MTUS1: variants seen among roughly 807,000 people sequenced by gnomAD.
MTUS1 encodes microtubule-associated tumor suppressor 1.
Under a neutral mutation model 120.8 loss-of-function variants are expected in MTUS1, and 109 were observed. The ratio of observed to expected loss-of-function variants is 0.90; its 90% CI spans 0.77 to 1.06. MTUS1 has a LOEUF of 1.06. Among genes scored for constraint, MTUS1 ranks in the 50% least tolerant of loss-of-function variants. The pLI is 0.00. For missense variants in MTUS1, 2,210 were observed against 1,486.3 expected, an observed-to-expected ratio of 1.49 and a Z score of -8.01; for synonymous variants, 737 against 550.5, an observed-to-expected ratio of 1.34 and a Z score of -4.74.
chr8:17,787,227 T>C, intron 1 of MTUS1, among the ~76,000 whole-genome samples: 1 of 152,158 alleles, frequency 6.6e-6, no homozygotes, highest in Admixed American at 6.6e-5. Flanking sequence ...GCCTCCAGCA[T>C]GGGTAAAGAT....
intron 2 of MTUS1, among the ~76,000 whole-genome samples, chr8:17,748,774 G>A (rs2047963321): frequency 6.6e-6 from 1 of 152,188 alleles, no homozygotes; most frequent in South Asian, 2.1e-4. Context: ...CAAATGGGTT[G>A]AGAAAAACTC....
At chr8:17,786,952 GAAAAT>G (rs1246726465) in intron 1 of MTUS1, among the ~76,000 whole-genome samples, 1 of 152,150 alleles carries the variant, frequency 6.6e-6, no homozygotes, top group African/African-American at 2.4e-5. Context: ...ATTTCAGAAA[GAAAAT>G]AAAAGTTGAA....
chr8:17,662,349 ATTTTTTTTTTT>A (rs35308070), intron 8 of MTUS1, among the ~76,000 whole-genome samples: 2 of 112,714 alleles, frequency 1.8e-5, no homozygotes, highest in African/African-American at 7.0e-5. Flanking sequence ...TTTTGTCCCT[ATTTTTTTTTTT>A]TTTTTTTTTT....
In MTUS1 at chr8:17,753,700, A is replaced by G; in HGVS notation, c.2091+17T>C. Reference sequence around the variant, plus strand: ...CAGTTCTCTGAAGCATGCAAAAAATATATATATATTACTTACCAAAAACAG... The same window carrying G: ...CAGTTCTCTGAAGCATGCAAAAAATGTATATATATTACTTACCAAAAACAG... On this transcript the variant is annotated intron_variant, in intron 2 of 14. Coordinates refer to ENST00000693296, the MANE Select transcript of MTUS1 (RefSeq NM_001363059.2). The G allele has an allele frequency of 6.6e-7, 1 of 1,507,884 alleles. No homozygotes were observed. The highest frequency in any genetic ancestry group is 1.3e-5 in the South Asian group (1 of 77,750). 93.4% of individuals were successfully genotyped at this position (1,507,884 alleles called of 1,614,324 possible). A position where few individuals can be genotyped will look rare whatever the true frequency, so the allele number is the denominator to read the frequency against.
chr8:17,777,272 A>G (rs940993574), intron 1 of MTUS1, among the ~76,000 whole-genome samples: 3 of 151,954 alleles, frequency 2.0e-5, no homozygotes, highest in African/African-American at 7.2e-5. Context: ...CTCCATCTCT[A>G]CTAAAAGTAC....
intron 1 of MTUS1, among the ~76,000 whole-genome samples, chr8:17,761,321 C>T (rs1740399883): frequency 6.6e-6 from 1 of 151,926 alleles, no homozygotes. Context: ...AAGAGACACA[C>T]CTAAAGAACT....
intron 6 of MTUS1, among the ~76,000 whole-genome samples, chr8:17,685,015 C>T (rs1454862031): frequency 6.6e-6 from 1 of 152,116 alleles, no homozygotes; most frequent in African/African-American, 2.4e-5. Flanking sequence ...CTGATGATGG[C>T]CTAGCCATTA....
rs1183560281 is a variant in MTUS1 at position 17,754,038 on chromosome 8, A to G, written c.1770T>C (p.Val590=). The G allele has an allele frequency of 6.2e-7, 1 of 1,614,164 alleles. No homozygotes were observed. Among genetic ancestry groups the G allele is most frequent in the Non-Finnish European group, 8.5e-7 (1 of 1,180,020 alleles). Residue 590 remains valine (V), a synonymous_variant, in exon 2 of 15, where the codon GTT becomes GTC. Coordinates refer to ENST00000693296, the MANE Select transcript of MTUS1 (RefSeq NM_001363059.2). The part of the protein sequence containing the change: ...NKLITSQAVH[V]TTHSKNASHR... Reference sequence around the variant, plus strand: ...GTGAAGCATTTTTAGAATGAGTTGTAACATGCACAGCCTGGCTAGTAATGA... The same window carrying G: ...GTGAAGCATTTTTAGAATGAGTTGTGACATGCACAGCCTGGCTAGTAATGA...
At chr8:17,702,077 T>C (rs901345189) in intron 6 of MTUS1, among the ~76,000 whole-genome samples, 6 of 152,196 alleles carry the variant, frequency 3.9e-5, no homozygotes, top group Non-Finnish European at 7.3e-5. Context: ...TTTTCCCCCA[T>C]TGTAAACAAT....
chr8:17,665,512 T>C (rs1208129942), intron 8 of MTUS1, among the ~76,000 whole-genome samples: 1 of 97,620 alleles, frequency 1.0e-5, no homozygotes, highest in Non-Finnish European at 2.4e-5. Context: ...GATCTACAAC[T>C]CCAGCCTCTT....
chr8:17,790,547 G>A (rs1039332942), intron 1 of MTUS1, among the ~76,000 whole-genome samples: 1 of 151,878 alleles, frequency 6.6e-6, no homozygotes, highest in Admixed American at 6.6e-5. Flanking sequence ...TGATTGTAAT[G>A]ATCTCTAACT....
At chr8:17,701,682 G>A (rs948543364) in intron 6 of MTUS1, among the ~76,000 whole-genome samples, 62 of 151,986 alleles carry the variant, frequency 4.1e-4, no homozygotes, top group Non-Finnish European at 3.4e-4. Context: ...TGAGTAGCTG[G>A]GACTACAGGC....
intron 3 of MTUS1, among the ~76,000 whole-genome samples, chr8:17,727,477 A>G (rs1029774942): frequency 6.6e-6 from 1 of 152,222 alleles, no homozygotes; most frequent in African/African-American, 2.4e-5. Flanking sequence ...GAGCTCCTAC[A>G]GCGGAATGGT....
At chr8:17,729,300 C>T (rs2046407897) in intron 3 of MTUS1, among the ~76,000 whole-genome samples, 1 of 152,162 alleles carries the variant, frequency 6.6e-6, no homozygotes, top group Non-Finnish European at 1.5e-5. Context: ...TGCAGGTCCA[C>T]TTCCAATTAA....
intron 1 of MTUS1, among the ~76,000 whole-genome samples, chr8:17,783,877 C>A (rs897524510): frequency 6.6e-6 from 1 of 152,206 alleles, no homozygotes; most frequent in African/African-American, 2.4e-5. Flanking sequence ...CGGACCACCA[C>A]TCCAATTCCC....
At chr8:17,677,330 A>T (rs1315946784) in intron 7 of MTUS1, among the ~76,000 whole-genome samples, 1 of 152,146 alleles carries the variant, frequency 6.6e-6, no homozygotes, top group Non-Finnish European at 1.5e-5. Flanking sequence ...GTAACAGGAA[A>T]AACAAGACAG....
At chr8:17,733,469 CTA>C (rs1305796059) in intron 3 of MTUS1, among the ~76,000 whole-genome samples, 1 of 151,820 alleles carries the variant, frequency 6.6e-6, no homozygotes, top group Non-Finnish European at 1.5e-5. Context: ...AAGTTAAAAG[CTA>C]TTTGGTGGTG....
chr8:17,647,008 C>A lies in MTUS1; in HGVS notation c.3573G>T (p.Arg1191=). The A allele has an allele frequency of 6.2e-7, 1 of 1,613,962 alleles. No homozygotes were observed. The highest frequency in any genetic ancestry group is 1.1e-5 in the South Asian group (1 of 91,070). Residue 1191 remains arginine, a synonymous_variant, in exon 14 of 15, where the codon CGG becomes CGT. Transcript: ENST00000693296. The stretch of plus-strand genomic sequence containing the variant: ...TTGAGATTGCCATGTGCTTGTCCAT[C>A]CGAGCTTTCAATTCTTCATTCTCCT... ...FQQENEELKA[R]MDKHMAISRQ...
At chr8:17,721,420 C>A (rs6586635) in intron 4 of MTUS1, among the ~76,000 whole-genome samples, 70,453 of 151,992 alleles carry the variant, frequency 0.46, 17,707 homozygotes, top group Middle Eastern at 0.6. Flanking sequence ...CTAGTTATTT[C>A]ATAAGAAATT....
Sources: gnomAD v4.1 joint callset for allele counts (sites outside exome capture counted in the v4.1 genomes callset) on GRCh38, gnomAD v4.1.1 for gene constraint, MANE v1.5 for transcripts, NCBI Gene and HGNC (gene_info 2026-07-23, HGNC 2026-07-21) for gene names.